The following STOX1 variants were observed in gnomAD, a reference collection of about 807,000 sequenced individuals.
The protein encoded by STOX1 is storkhead-box protein 1.
Under a neutral mutation model 74.8 loss-of-function variants are expected in STOX1, and 57 were observed. The observed-to-expected ratio is 0.76, with a 90% confidence interval of 0.62 to 0.95. The LOEUF (loss-of-function observed/expected upper bound fraction) is 0.95, where lower values mean the gene tolerates loss of function less well. Ranked by LOEUF, STOX1 falls within the 40% of genes least tolerant of loss-of-function variation. The pLI is 0.00. For synonymous variants in STOX1, 375 were observed against 401.3 expected (o/e 0.93, Z 0.78); for missense variants, 1,010 against 1,117.0 (o/e 0.90, Z 1.37).
chr10:68,894,731 G>A (rs993100021), downstream of STOX1, among the ~76,000 whole-genome samples: 14 of 151,524 alleles, frequency 9.2e-5, no homozygotes, highest in African/African-American at 3.2e-4. Context: ...TTTTAACAAC[G>A]AAAAAAAAAT....
Position 68,884,321 on chromosome 10 carries a change from G to A in STOX1, c.525G>A (p.Arg175=). 6.2e-7 allele frequency: 1 copy of A among 1,614,178 alleles called. No individual in the cohort carries two copies. Among genetic ancestry groups the A allele is most frequent in the East Asian group, 2.2e-5 (1 of 44,888 alleles). Reference sequence around the variant, plus strand: ...CTCTGGGAACGCTGATTAAAGAAAGGAAGATTTATCACACTGGAGAAGGAT... The same window carrying A: ...CTCTGGGAACGCTGATTAAAGAAAGAAAGATTTATCACACTGGAGAAGGAT... ...YTTLGTLIKE[R]KIYHTGEGYF... The change falls in exon 3 of 4, where the codon AGG becomes AGA. Residue 175 remains arginine, a synonymous_variant. Coordinates refer to ENST00000298596, the MANE Select transcript of STOX1 (RefSeq NM_152709.5).
intron 1 of STOX1, among the ~76,000 whole-genome samples, chr10:68,856,796 A>T (rs1369608629): frequency 6.6e-6 from 1 of 152,050 alleles, no homozygotes; most frequent in Non-Finnish European, 1.5e-5. Flanking sequence ...GTTCCACCTA[A>T]AGCTCATCTC....
intron 3 of STOX1, among the ~76,000 whole-genome samples, chr10:68,889,549 T>C (rs1589239899): frequency 6.6e-6 from 1 of 152,220 alleles, no homozygotes; most frequent in Admixed American, 6.5e-5. Flanking sequence ...AAATGTAGCT[T>C]AAGCTTGGTG....
At chr10:68,839,465 C>T (rs11812551) in intron 1 of STOX1, among the ~76,000 whole-genome samples, 17,244 of 151,270 alleles carry the variant, frequency 0.11, 1,241 homozygotes, top group East Asian at 0.2. Context: ...TCAAGCAATC[C>T]TCCCACTTTG....
chr10:68,829,125 C>A, intron 1 of STOX1: 1 of 320,240 alleles, frequency 3.1e-6, no homozygotes, highest in Non-Finnish European at 4.5e-6. Context: ...AGGAACCCCT[C>A]TGTATTAGTC....
intron 1 of STOX1, among the ~76,000 whole-genome samples, chr10:68,846,486 A>G (rs1432412808): frequency 2.0e-5 from 3 of 152,098 alleles, no homozygotes; most frequent in Admixed American, 1.3e-4. Flanking sequence ...TGGATGTCCA[A>G]TTCTTCAGGA....
chr10:68,882,467 A>G (rs2131992402), intron 2 of STOX1, among the ~76,000 whole-genome samples: 1 of 152,110 alleles, frequency 6.6e-6, no homozygotes, highest in Non-Finnish European at 1.5e-5. Context: ...TATATATGAT[A>G]ATATAATAAA....
chr10:68,886,459 C>T lies in STOX1; in HGVS notation c.2663C>T (p.Pro888Leu), dbSNP rs576393249. The T allele has an allele frequency of 3.1e-6, 5 of 1,613,982 alleles. No individual in the cohort carries two copies. Among genetic ancestry groups the T allele is most frequent in the Middle Eastern group, 1.6e-4 (1 of 6,084 alleles). The change falls in exon 3 of 4, where the codon CCT becomes CTT. Residue 888 changes from proline (P) to leucine (L), a missense_variant. Pro to Leu is a moderately conservative substitution (Grantham distance 98, BLOSUM62 -3). Coordinates refer to ENST00000298596, the MANE Select transcript of STOX1 (RefSeq NM_152709.5). ...AAGCCAGCTAGCTGGAGTCAGAGTC[C>T]TCAGAATCAGGAAATGAGAAAACAT... Reference protein sequence around the residue: ...GKKPASWSQSPQNQEMRKHFP... With the variant: ...GKKPASWSQSLQNQEMRKHFP...
At chr10:68,875,117 G>A (rs1351604992) in intron 1 of STOX1, among the ~76,000 whole-genome samples, 2 of 152,174 alleles carry the variant, frequency 1.3e-5, no homozygotes, top group Non-Finnish European at 2.9e-5. Flanking sequence ...ACTATTTGAA[G>A]CCTGGCATTG....
At chr10:68,893,527 C>T (rs1211669536), downstream of STOX1, among the ~76,000 whole-genome samples, 1 of 152,238 alleles carries the variant, frequency 6.6e-6, no homozygotes, top group Non-Finnish European at 1.5e-5. Flanking sequence ...ATGCCATTCT[C>T]CTGCCCCAGC....
At chr10:68,865,391 T>G (rs1305611597) in intron 1 of STOX1, among the ~76,000 whole-genome samples, 4 of 152,244 alleles carry the variant, frequency 2.6e-5, no homozygotes, top group African/African-American at 9.6e-5. Flanking sequence ...GGCTCACGCC[T>G]GTAATCCCAG....
At chr10:68,828,910 T>C (rs1223399657) in intron 1 of STOX1, 20 of 963,190 alleles carry the variant, frequency 2.1e-5, no homozygotes, top group Admixed American at 6.2e-5. Flanking sequence ...GCTTTTTGCC[T>C]TTTTTCATAA....
chr10:68,884,701 C>T lies in STOX1; in HGVS notation c.905C>T (p.Thr302Ile). The change falls in exon 3 of 4, where the codon ACA becomes ATA. Residue 302 changes from threonine to isoleucine, a missense_variant. Physicochemically the swap from Thr to Ile is moderately conservative, Grantham distance 89. Transcript: ENST00000298596. Reference protein sequence around the residue: ...ICESTKPLPYTRDKEKGKKFG... With the variant: ...ICESTKPLPYIRDKEKGKKFG... ...GAGAGCACCAAACCTTTACCATACA[C>T]AAGAGATAAAGAAAAAGGCAAGAAG... is the stretch of plus-strand genomic sequence containing the variant. 6.2e-7 allele frequency: 1 copy of T among 1,614,144 alleles called. No homozygotes were observed. Among genetic ancestry groups the T allele is most frequent in the African/African-American group, 1.3e-5 (1 of 75,036 alleles).
At chr10:68,860,128 C>T (rs1420726622) in intron 1 of STOX1, among the ~76,000 whole-genome samples, 1 of 151,460 alleles carries the variant, frequency 6.6e-6, no homozygotes, top group Non-Finnish European at 1.5e-5. Flanking sequence ...CAAAAATTAG[C>T]ATGGTGGCGG....
At chr10:68,868,852 C>T (rs552955873) in intron 1 of STOX1, among the ~76,000 whole-genome samples, 3 of 152,296 alleles carry the variant, frequency 2.0e-5, no homozygotes, top group East Asian at 1.9e-4. Flanking sequence ...AGAACTGACA[C>T]GTGTCAAATC....
intron 1 of STOX1, among the ~76,000 whole-genome samples, chr10:68,847,327 A>G (rs1045727270): frequency 6.6e-6 from 1 of 152,172 alleles, no homozygotes; most frequent in Non-Finnish European, 1.5e-5. Flanking sequence ...CAGCAGACAC[A>G]TGTTATTATG....
At chr10:68,893,573 A>G (rs1227778385), downstream of STOX1, among the ~76,000 whole-genome samples, 1 of 152,076 alleles carries the variant, frequency 6.6e-6, no homozygotes, top group African/African-American at 2.4e-5. Context: ...GCCTGCCACC[A>G]CACCCGGCAA....
intron 1 of STOX1, among the ~76,000 whole-genome samples, chr10:68,832,043 G>A (rs187638405): frequency 6.6e-6 from 1 of 151,892 alleles, no homozygotes; most frequent in African/African-American, 2.4e-5. Context: ...GTGATTACCA[G>A]TGTGAGCCAC....
chr10:68,843,336 T>C (rs1839743562), intron 1 of STOX1, among the ~76,000 whole-genome samples: 1 of 152,116 alleles, frequency 6.6e-6, no homozygotes, highest in Non-Finnish European at 1.5e-5. Flanking sequence ...CTAGGTGAGA[T>C]TTTGGTGATT....
Sources: gnomAD v4.1 joint callset for allele counts (sites outside exome capture counted in the v4.1 genomes callset) on GRCh38, gnomAD v4.1.1 for gene constraint, MANE v1.5 for transcripts, NCBI Gene and HGNC (gene_info 2026-07-23, HGNC 2026-07-21) for gene names.